The following WWOX variants were observed in gnomAD, a reference collection of about 807,000 sequenced individuals.
WWOX encodes WW domain containing oxidoreductase.
WWOX carries 69 observed loss-of-function variants against 46.2 expected under a neutral mutation model. The ratio of observed to expected loss-of-function variants is 1.49; its 90% CI spans 1.23 to 1.82. The LOEUF (loss-of-function observed/expected upper bound fraction) is 1.82. Ranked by LOEUF, WWOX falls within the 40% of genes most tolerant of loss-of-function variation. WWOX has a pLI of 0.00. For missense variants in WWOX, 919 were observed against 542.6 expected (o/e 1.69, Z -6.89); for synonymous variants, 359 against 202.6 (o/e 1.77, Z -6.56).
intron 4 of WWOX, among the ~76,000 whole-genome samples, chr16:78,124,575 C>T (rs181392489): frequency 1.3e-5 from 2 of 152,254 alleles, no homozygotes; most frequent in East Asian, 1.9e-4. Context: ...TCCAATAGCT[C>T]GCTTTTAGTT....
At chr16:79,188,390 G>A (rs446684) in intron 8 of WWOX, among the ~76,000 whole-genome samples, 108,387 of 152,100 alleles carry the variant, frequency 0.71, 40,168 homozygotes, top group African/African-American at 0.91. Flanking sequence ...CTCTTTTTTC[G>A]GTAACTGTGT....
At chr16:78,766,119 C>T in intron 8 of WWOX, among the ~76,000 whole-genome samples, 1 of 152,198 alleles carries the variant, frequency 6.6e-6, no homozygotes, top group East Asian at 1.9e-4. Flanking sequence ...GTCACACATA[C>T]CGTCCCCTGA....
intron 5 of WWOX, among the ~76,000 whole-genome samples, chr16:78,380,044 A>T (rs4243157): frequency 0.94 from 142,868 of 152,278 alleles, 67,299 homozygotes; most frequent in African/African-American, 0.99. Flanking sequence ...TATTTGGGAC[A>T]TGGTGTATTG....
At chr16:78,586,484 C>G (rs2045212054) in intron 8 of WWOX, among the ~76,000 whole-genome samples, 1 of 152,144 alleles carries the variant, frequency 6.6e-6, no homozygotes, top group African/African-American at 2.4e-5. Flanking sequence ...TACCACCTGC[C>G]AGTTGCTGTA....
At chr16:78,596,525 G>C (rs183453812) in intron 8 of WWOX, among the ~76,000 whole-genome samples, 3 of 152,136 alleles carry the variant, frequency 2.0e-5, no homozygotes, top group Non-Finnish European at 2.9e-5. Flanking sequence ...TGGCGAGATC[G>C]TGACAGGTGT....
At chr16:78,177,459 C>A (rs1381438937) in intron 5 of WWOX, among the ~76,000 whole-genome samples, 1 of 152,150 alleles carries the variant, frequency 6.6e-6, no homozygotes, top group Admixed American at 6.5e-5. Context: ...TCCCCACGTG[C>A]TTTAAAGCAG....
chr16:78,789,020 TTTTA>T (rs1312541978), intron 8 of WWOX, among the ~76,000 whole-genome samples: 37 of 152,208 alleles, frequency 2.4e-4, no homozygotes, highest in African/African-American at 8.4e-4. Flanking sequence ...TGGGTAGTCT[TTTTA>T]TTCTTTTGAT....
chr16:78,598,562 T>G (rs2045546040), intron 8 of WWOX, among the ~76,000 whole-genome samples: 1 of 152,190 alleles, frequency 6.6e-6, no homozygotes, highest in Non-Finnish European at 1.5e-5. Context: ...AGGCAGGCTC[T>G]CAGGTCGGTG....
chr16:78,610,549 T>G (rs141470658), intron 8 of WWOX, among the ~76,000 whole-genome samples: 237 of 152,278 alleles, frequency 1.6e-3, no homozygotes, highest in Middle Eastern at 6.8e-3. Context: ...CATATTAATT[T>G]TAAATTTTGC....
chr16:78,239,596 G>A (rs1047181567), intron 5 of WWOX, among the ~76,000 whole-genome samples: 12 of 152,004 alleles, frequency 7.9e-5, no homozygotes, highest in Non-Finnish European at 1.2e-4. Context: ...GTGCAGCAGC[G>A]CGATCTTGGC....
At chr16:78,753,848 ATATATATGTATATGTATATG>A (rs1346625935) in intron 8 of WWOX, among the ~76,000 whole-genome samples, 6 of 104,544 alleles carry the variant, frequency 5.7e-5, no homozygotes, top group Admixed American at 3.8e-4. Context: ...ATATATATAT[ATATATATGTATATGTATATG>A]TATATATAAA....
intron 5 of WWOX, among the ~76,000 whole-genome samples, chr16:78,359,234 C>G (rs2081359742): frequency 6.6e-6 from 1 of 152,138 alleles, no homozygotes; most frequent in African/African-American, 2.4e-5. Context: ...TCTGATAACA[C>G]AAAGAAGGCC....
At chr16:79,008,508 C>G (rs568887340) in intron 8 of WWOX, among the ~76,000 whole-genome samples, 1 of 152,126 alleles carries the variant, frequency 6.6e-6, no homozygotes, top group Non-Finnish European at 1.5e-5. Context: ...AGAGGGGATT[C>G]TATAGGAAAT....
intron 8 of WWOX, among the ~76,000 whole-genome samples, chr16:79,104,536 A>G (rs2049268821): frequency 6.6e-6 from 1 of 152,190 alleles, no homozygotes; most frequent in Non-Finnish European, 1.5e-5. Context: ...ATATTAGTTG[A>G]CAACTTGACA....
At chr16:78,622,612 G>C (rs1433799755) in intron 8 of WWOX, among the ~76,000 whole-genome samples, 1 of 151,846 alleles carries the variant, frequency 6.6e-6, no homozygotes, top group Non-Finnish European at 1.5e-5. Flanking sequence ...GACGGCCCCA[G>C]TGATACCCCA....
intron 8 of WWOX, among the ~76,000 whole-genome samples, chr16:79,042,282 T>G (rs1166888821): frequency 6.6e-6 from 1 of 152,182 alleles, no homozygotes; most frequent in African/African-American, 2.4e-5. Context: ...GTCTTTTGCA[T>G]TATGTCATGG....
chr16:78,903,192 C>G (rs936368693), intron 8 of WWOX, among the ~76,000 whole-genome samples: 1 of 152,188 alleles, frequency 6.6e-6, no homozygotes, highest in African/African-American at 2.4e-5. Context: ...CCATTGGCCA[C>G]TTGGGGTACA....
At chr16:78,685,846 G>A (rs1157514841) in intron 8 of WWOX, among the ~76,000 whole-genome samples, 4 of 151,362 alleles carry the variant, frequency 2.6e-5, no homozygotes, top group Non-Finnish European at 5.9e-5. Flanking sequence ...TTATTGTTGA[G>A]GGAAAGATCT....
intron 8 of WWOX, among the ~76,000 whole-genome samples, chr16:78,950,393 C>A (rs768338238): frequency 1.3e-5 from 2 of 152,012 alleles, no homozygotes; most frequent in African/African-American, 2.4e-5. Flanking sequence ...TGCCATTGTT[C>A]TGAGAGGAAG....
Sources: allele counts gnomAD v4.1 joint callset (sites outside exome capture counted in the v4.1 genomes callset), GRCh38; gene constraint gnomAD v4.1.1; transcripts MANE v1.5; gene names NCBI Gene and HGNC (gene_info 2026-07-23, HGNC 2026-07-21).